The following BPIFB4 variants were observed in gnomAD, a reference collection of about 807,000 sequenced individuals.
BPIFB4 encodes the protein BPI fold containing family B member 4.
BPIFB4 carries 62 observed loss-of-function variants against 69.2 expected under a neutral mutation model. The ratio of observed to expected loss-of-function variants is 0.90; its 90% CI spans 0.73 to 1.11. The LOEUF (loss-of-function observed/expected upper bound fraction) is 1.11. Among genes scored for constraint, BPIFB4 ranks in the 50% least tolerant of loss-of-function variants. The pLI, the probability that BPIFB4 is intolerant of heterozygous loss-of-function variation, is 0.00. For synonymous variants in BPIFB4, 330 were observed against 332.7 expected (o/e 0.99, Z 0.09); for missense variants, 789 against 792.0 (o/e 1.00, Z 0.04).
rs1270802669 is a variant in BPIFB4 at position 33,083,632 on chromosome 20, C to T, written c.435C>T (p.Gly145=). The T allele has an allele frequency of 1.9e-6, 3 of 1,614,094 alleles. No individual in the cohort carries two copies. Among genetic ancestry groups the T allele is most frequent in the Non-Finnish European group, 1.7e-6 (2 of 1,179,998 alleles). ...GLGRYRAAPV[G]RLHRRELQPG... is the part of the protein sequence containing the mutation. ...GGCGATACAGGGCAGCACCTGTGGG[C>T]AGGCTTCACCGGCGAGAGCTGCAGC... The change falls in exon 5 of 18, where the codon GGC becomes GGT. Residue 145 remains glycine, a synonymous_variant. Coordinates refer to ENST00000375483, the MANE Select transcript of BPIFB4 (RefSeq NM_182519.3).
intron 17 of BPIFB4, among the ~76,000 whole-genome samples, chr20:33,111,129 T>A (rs1220134792): frequency 6.6e-6 from 1 of 152,270 alleles, no homozygotes; most frequent in East Asian, 1.9e-4. Flanking sequence ...AAATTTTTTT[T>A]AATTATGAAA....
At chr20:33,083,965 G>T in intron 5 of BPIFB4, 91 bp downstream of exon 5, 2 of 1,412,552 alleles carry the variant, frequency 1.4e-6, no homozygotes, top group East Asian at 4.7e-5. Context: ...CGGAGGGAAG[G>T]TCTTCAGAGC....
At position 33,111,584 on chromosome 20, in the gene BPIFB4, C is replaced by A; in HGVS notation, c.*147C>A. On this transcript the variant is annotated 3_prime_UTR_variant, in exon 18 of 18. Coordinates refer to ENST00000375483, the MANE Select transcript of BPIFB4 (RefSeq NM_182519.3). Reference sequence around the variant, plus strand: ...CCCCCCAACCCTCTTCCTCCCTTGCCCCAACCCTGAGAAAGGGTCCAGCCA... The same window carrying A: ...CCCCCCAACCCTCTTCCTCCCTTGCACCAACCCTGAGAAAGGGTCCAGCCA... 1 of 976,546 alleles carries A rather than the reference C, an allele frequency of 1.0e-6. No individual in the cohort carries two copies. Among genetic ancestry groups the A allele is most frequent in the Non-Finnish European group, 1.6e-6 (1 of 644,954 alleles). 60.5% of individuals were successfully genotyped at this position (976,546 alleles called of 1,614,324 possible).
At chr20:33,096,863 T>A (rs1347300399) in intron 12 of BPIFB4, among the ~76,000 whole-genome samples, 1 of 152,246 alleles carries the variant, frequency 6.6e-6, no homozygotes, top group East Asian at 1.9e-4. Flanking sequence ...TTTTGCCCAT[T>A]TCTCTATGGT....
intron 17 of BPIFB4, among the ~76,000 whole-genome samples, chr20:33,110,899 T>C (rs768539105): frequency 3.2e-4 from 46 of 144,264 alleles, no homozygotes; most frequent in South Asian, 1.8e-3. Flanking sequence ...CACTGTAACC[T>C]CCACCTCCCG....
rs752506593 is a variant in BPIFB4, at chr20:33,111,389, C to A, written c.1822-25C>A. On this transcript the variant is annotated intron_variant, in intron 17 of 17. Transcript: ENST00000375483. ...TAGCCAGAGCCACCCCACCCATCAC[C>A]GGCTACTCTGTTCTGCCATCCAAGG... 7 of 1,613,920 alleles carry A rather than the reference C, an allele frequency of 4.3e-6. No homozygotes were observed. In the South Asian group the frequency reaches 7.7e-5, roughly 18 times the overall value.
chr20:33,085,276 G>A (rs1981390558), intron 6 of BPIFB4, among the ~76,000 whole-genome samples: 1 of 152,162 alleles, frequency 6.6e-6, no homozygotes, highest in Non-Finnish European at 1.5e-5. Flanking sequence ...CCAACATGGT[G>A]AAACCCCGTC....
intron 10 of BPIFB4, 109 bp downstream of exon 10, chr20:33,090,908 A>T (rs756064608): frequency 1.4e-5 from 19 of 1,313,672 alleles, no homozygotes; most frequent in Admixed American, 2.1e-5. Flanking sequence ...GTAACACTTG[A>T]CAGGACCCTC....
chr20:33,086,439 A>G (rs903970739), intron 7 of BPIFB4, among the ~76,000 whole-genome samples: 13 of 152,188 alleles, frequency 8.5e-5, no homozygotes, highest in African/African-American at 2.7e-4. Flanking sequence ...CATTCTTTCC[A>G]GCTTTGAAAA....
chr20:33,084,840 G>T, intron 5 of BPIFB4, 52 bp from the exon 6 acceptor site: 1 of 1,583,722 alleles, frequency 6.3e-7, no homozygotes, highest in South Asian at 1.1e-5. Context: ...GCTCGGGTGA[G>T]TGGGTGGTAG....
At position 33,106,355 on chromosome 20, in the gene BPIFB4, G is replaced by A. The variant is rs139734403; in HGVS notation, c.1745-1389G>A. ...ACTGGGCGAAGGGCTGGGTGATGCT[G>A]GGGACACAGCTCTTTTCTTTCTTTT... On this transcript the variant is annotated intron_variant, in intron 16 of 17. Transcript: ENST00000375483. Among the ~76,000 whole-genome samples, 52 of 150,734 alleles carry A rather than the reference G, an allele frequency of 3.4e-4. No individual in the cohort carries two copies. In the East Asian group the frequency reaches 9.7e-3, roughly 28 times the overall value.
intron 17 of BPIFB4, among the ~76,000 whole-genome samples, chr20:33,108,226 A>G (rs1238886570): frequency 1.3e-5 from 2 of 152,110 alleles, no homozygotes; most frequent in East Asian, 3.9e-4. Flanking sequence ...GCCCTTGCAA[A>G]GCTCTCTTAG....
chr20:33,090,873 A>G, intron 10 of BPIFB4, 74 bp downstream of exon 10: 1 of 1,569,842 alleles, frequency 6.4e-7, no homozygotes, highest in Non-Finnish European at 8.7e-7. Flanking sequence ...AGGCCCTCCC[A>G]GGGCTTCTGC....
At chr20:33,103,278 T>C (rs373367704) in intron 15 of BPIFB4, among the ~76,000 whole-genome samples, 5 of 152,150 alleles carry the variant, frequency 3.3e-5, no homozygotes, top group African/African-American at 1.2e-4. Context: ...GGCTGCCCCA[T>C]GGGGGGCCAC....
At chr20:33,102,549 A>G (rs576993894) in intron 14 of BPIFB4, among the ~76,000 whole-genome samples, 1 of 152,296 alleles carries the variant, frequency 6.6e-6, no homozygotes, top group African/African-American at 2.4e-5. Context: ...ATTACCCTGG[A>G]GCCTGCTCCA....
Position 33,090,804 on chromosome 20 carries a change from G to A in BPIFB4, c.1143+5G>A, listed in dbSNP as rs1981578771. On this transcript the variant is annotated splice_donor_5th_base_variant and intron_variant, in intron 10 of 17. Transcript: ENST00000375483. ...TTCCTGGAGCTGGACCTCAACGTGA[G>A]TGCCTGGGGTTCAGGGCAAAGGGTG... 1.9e-6 allele frequency: 3 copies of A among 1,614,106 alleles called. No individual in the cohort carries two copies. The highest frequency in any genetic ancestry group is 2.5e-6 in the Non-Finnish European group (3 of 1,179,986).
chr20:33,086,801 G>A (rs1981443944), intron 7 of BPIFB4, among the ~76,000 whole-genome samples: 1 of 152,168 alleles, frequency 6.6e-6, no homozygotes, highest in Non-Finnish European at 1.5e-5. Context: ...CCATCCTCTG[G>A]CGAAGTGGTG....
At chr20:33,104,734 G>A in intron 15 of BPIFB4, 76 bp from the exon 16 acceptor site, 2 of 1,418,134 alleles carry the variant, frequency 1.4e-6, no homozygotes, top group South Asian at 1.2e-5. Context: ...CCTTGAGCCA[G>A]GGGAGCAGAC....
chr20:33,084,304 G>T (rs958683782), intron 5 of BPIFB4, among the ~76,000 whole-genome samples: 3 of 152,188 alleles, frequency 2.0e-5, no homozygotes, highest in African/African-American at 7.2e-5. Context: ...TACTGTGTTG[G>T]CACTGGGGAC....
Sources: allele counts gnomAD v4.1 joint callset (sites outside exome capture counted in the v4.1 genomes callset), GRCh38; gene constraint gnomAD v4.1.1; transcripts MANE v1.5; gene names NCBI Gene and HGNC (gene_info 2026-07-23, HGNC 2026-07-21).